SGCD: variants seen among roughly 807,000 people sequenced by gnomAD.
SGCD encodes the protein sarcoglycan delta, also known as delta-sarcoglycan.
In SGCD, 18 loss-of-function variants were observed where a neutral mutation model predicts 36.6. The observed-to-expected ratio is 0.49, with a 90% CI of 0.34 to 0.73. The LOEUF is 0.73. SGCD is among the 30% of genes least tolerant of loss of function. The probability of loss-of-function intolerance (pLI) is 0.01; values close to 1 mark genes in which losing one functional copy is unlikely to be tolerated. For synonymous variants in SGCD, 133 were observed against 130.6 expected (o/e 1.02, Z -0.12); for missense variants, 387 against 346.7 (o/e 1.12, Z -0.92).
chr5:156,370,581 G>A (rs193052569), intron 3 of SGCD, among the ~76,000 whole-genome samples: 76 of 152,206 alleles, frequency 5.0e-4, no homozygotes, highest in Admixed American at 9.2e-4. Context: ...TGCTTTATTC[G>A]TTTATGATGA....
At chr5:155,945,206 A>G (rs1757415785) in intron 1 of SGCD, among the ~76,000 whole-genome samples, 1 of 152,242 alleles carries the variant, frequency 6.6e-6, no homozygotes, top group South Asian at 2.1e-4. Context: ...AACCATGTTA[A>G]TACTGCCAAA....
the SGCD span, among the ~76,000 whole-genome samples, chr5:155,739,141 T>C: frequency 6.6e-6 from 1 of 152,200 alleles, no homozygotes; most frequent in Admixed American, 6.5e-5. Context: ...TTTGGGATGC[T>C]GGAAAGAGAG....
intron 3 of SGCD, among the ~76,000 whole-genome samples, chr5:156,476,328 A>T (rs1458033558): frequency 3.9e-5 from 6 of 152,218 alleles, no homozygotes; most frequent in African/African-American, 1.2e-4. Context: ...AAAAGAGGAC[A>T]TTCCAGAAAG....
At chr5:156,389,619 T>G (rs1363918429) in intron 3 of SGCD, among the ~76,000 whole-genome samples, 1 of 152,074 alleles carries the variant, frequency 6.6e-6, no homozygotes, top group Non-Finnish European at 1.5e-5. Flanking sequence ...GTCCCACTGA[T>G]CTGACAGGAG....
intron 3 of SGCD, among the ~76,000 whole-genome samples, chr5:156,351,240 T>G (rs1304328921): frequency 6.6e-6 from 1 of 152,218 alleles, no homozygotes; most frequent in Admixed American, 6.5e-5. Flanking sequence ...TAGTATAAAC[T>G]TAATATCTAC....
chr5:156,403,367 G>T (rs1772250928), intron 3 of SGCD, among the ~76,000 whole-genome samples: 1 of 152,148 alleles, frequency 6.6e-6, no homozygotes, highest in South Asian at 2.1e-4. Context: ...GTCTATTAAG[G>T]TTGAGCAAAG....
chr5:155,782,211 GAC>G, the SGCD span, among the ~76,000 whole-genome samples: 10 of 151,894 alleles, frequency 6.6e-5, no homozygotes, highest in Admixed American at 1.3e-4. Flanking sequence ...TTTCAGTAGA[GAC>G]AGCGTTTTGT....
intron 3 of SGCD, among the ~76,000 whole-genome samples, chr5:156,220,619 G>A (rs1393353600): frequency 6.6e-6 from 1 of 152,098 alleles, no homozygotes; most frequent in East Asian, 1.9e-4. Context: ...AGAGCCCTAG[G>A]ACCAGTGTTG....
the SGCD span, among the ~76,000 whole-genome samples, chr5:155,751,713 TAAAAA>T: frequency 4.9e-5 from 7 of 142,338 alleles, no homozygotes; most frequent in Non-Finnish European, 7.6e-5. Context: ...TTTTTTTTTA[TAAAAA>T]AAAAAGAAAA....
intron 6 of SGCD, among the ~76,000 whole-genome samples, chr5:156,612,312 C>G (rs1761852339): frequency 6.6e-6 from 1 of 152,174 alleles, no homozygotes; most frequent in South Asian, 2.1e-4. Flanking sequence ...GTAACATAGC[C>G]TCTGTGCAGT....
chr5:156,473,641 G>A (rs951058936), intron 3 of SGCD, among the ~76,000 whole-genome samples: 3 of 152,190 alleles, frequency 2.0e-5, no homozygotes, highest in Non-Finnish European at 2.9e-5. Flanking sequence ...CTCCTTGGGA[G>A]TGTCATCTGT....
rs1212693060 is a variant in SGCD at position 156,065,323 on chromosome 5, T to C, written c.-281-52555T>C. On this transcript the variant is annotated intron_variant, in intron 1 of 9. Coordinates refer to the SGCD transcript ENST00000517913. ...AGATAGTTTGTTATAATTTCTGTTC[T>C]TTTACATTTGCTGAGGAGAGCTTTA... 3.3e-5 allele frequency among the ~76,000 whole-genome samples: 3 copies of C among 90,716 alleles called. 1 individual carries two copies. Among genetic ancestry groups the C allele is most frequent in the African/African-American group, 1.8e-4 (3 of 16,912 alleles). The allele number at this position is 90,716 out of a possible 152,430, so 59.5% of individuals were successfully genotyped here.
the SGCD span, among the ~76,000 whole-genome samples, chr5:155,852,821 A>G: frequency 6.6e-6 from 1 of 152,162 alleles, no homozygotes; most frequent in Non-Finnish European, 1.5e-5. Context: ...TAGATGCTAA[A>G]TCACCTCTCA....
At chr5:156,337,985 A>G (rs1768445812) in intron 2 of SGCD, among the ~76,000 whole-genome samples, 1 of 152,172 alleles carries the variant, frequency 6.6e-6, no homozygotes, top group African/African-American at 2.4e-5. Context: ...ACAAGAGATT[A>G]TGAAGAAGCC....
chr5:156,588,570 G>T (rs138136630), intron 4 of SGCD, among the ~76,000 whole-genome samples: 2 of 152,124 alleles, frequency 1.3e-5, no homozygotes, highest in Non-Finnish European at 2.9e-5. Flanking sequence ...GTGTACCACT[G>T]TGTGAAAAAG....
chr5:156,439,772 C>T (rs1015349914), intron 3 of SGCD, among the ~76,000 whole-genome samples: 6 of 152,106 alleles, frequency 3.9e-5, no homozygotes, highest in African/African-American at 9.7e-5. Flanking sequence ...AAAGTGAGAG[C>T]TCACTGTGCA....
At chr5:156,457,825 C>T (rs921206979) in intron 3 of SGCD, among the ~76,000 whole-genome samples, 2 of 152,198 alleles carry the variant, frequency 1.3e-5, no homozygotes, top group African/African-American at 4.8e-5. Context: ...TATTTAACTC[C>T]TCTAACTTGT....
At chr5:156,652,234 G>A (rs1410611918) in intron 7 of SGCD, among the ~76,000 whole-genome samples, 1 of 151,948 alleles carries the variant, frequency 6.6e-6, no homozygotes, top group Non-Finnish European at 1.5e-5. Flanking sequence ...TAATCCCAAT[G>A]TTTTGGGAGG....
intron 4 of SGCD, among the ~76,000 whole-genome samples, chr5:156,514,513 G>A (rs1757076902): frequency 1.3e-5 from 2 of 152,194 alleles, no homozygotes; most frequent in African/African-American, 2.4e-5. Flanking sequence ...CTTACATTAG[G>A]AGAATAAAGT....
Sources: allele counts gnomAD v4.1 joint callset (sites outside exome capture counted in the v4.1 genomes callset), GRCh38; gene constraint gnomAD v4.1.1; transcripts MANE v1.5; gene names NCBI Gene and HGNC (gene_info 2026-07-23, HGNC 2026-07-21).